The following CTSK variants were observed in gnomAD, a reference collection of about 807,000 sequenced individuals.
The protein encoded by CTSK is cathepsin K, also known as cathepsin O.
A neutral mutation model predicts 40.5 loss-of-function variants in CTSK; 26 were observed. That is an observed-to-expected ratio of 0.64 (90% confidence interval 0.47 to 0.89). The LOEUF (loss-of-function observed/expected upper bound fraction) is 0.89. Among genes scored for constraint, CTSK ranks in the 40% least tolerant of loss-of-function variants. The probability of loss-of-function intolerance (pLI) is 0.00; values close to 1 mark genes in which losing one functional copy is unlikely to be tolerated. For synonymous variants in CTSK, 132 were observed against 143.2 expected, an observed-to-expected ratio of 0.92 and a Z score of 0.56; for missense variants, 292 against 400.1, an observed-to-expected ratio of 0.73 and a Z score of 2.30.
intron 7 of CTSK, 52 bp downstream of exon 7, chr1:150,799,116 G>T: frequency 1.7e-6 from 2 of 1,184,690 alleles, no homozygotes; most frequent in Non-Finnish European, 2.5e-6. Flanking sequence ...TGGAGGTGAG[G>T]TTGAGTGTTA....
At chr1:150,799,927 T>C (rs1277851680) in intron 5 of CTSK, among the ~76,000 whole-genome samples, 3 of 152,140 alleles carry the variant, frequency 2.0e-5, no homozygotes, top group Non-Finnish European at 4.4e-5. Flanking sequence ...CCAGGTGCGG[T>C]GGCTCATGCC....
chr1:150,799,606 C>A lies in CTSK; in HGVS notation c.722G>T (p.Arg241Leu), dbSNP rs771997660. 3 of 1,614,192 alleles carry A rather than the reference C, an allele frequency of 1.9e-6. No individual in the cohort carries two copies. The highest frequency in any genetic ancestry group is 1.3e-5 in the African/African-American group (1 of 75,038). The change falls in exon 6 of 8, where the codon CGA becomes CTA. Residue 241 changes from arginine (R) to leucine (L), a missense_variant. By Grantham distance (102) the Arg-to-Leu change is moderately radical. Transcript: ENST00000271651. ...NEKALKRAVA[R>L]VGPVSVAIDA... ...AATGGCCACAGAGACAGGTCCCACT[C>A]GGGCCACTGCCCTCTTCAGGGCTTT...
intron 5 of CTSK, 25 bp downstream of exon 5, chr1:150,803,996 G>A (rs1654039697): frequency 1.9e-6 from 3 of 1,582,868 alleles, no homozygotes; most frequent in African/African-American, 1.3e-5. Flanking sequence ...CAACAGAGCT[G>A]TATAATTGTG....
chr1:150,807,955 CT>C (rs1417732039), intron 1 of CTSK, among the ~76,000 whole-genome samples: 5 of 152,184 alleles, frequency 3.3e-5, no homozygotes, highest in African/African-American at 1.2e-4. Context: ...AGAAAGGCCA[CT>C]CTTGAAGGAT....
At chr1:150,801,477 A>G (rs1653987179) in intron 5 of CTSK, among the ~76,000 whole-genome samples, 1 of 152,198 alleles carries the variant, frequency 6.6e-6, no homozygotes, top group Non-Finnish European at 1.5e-5. Context: ...TAAACGAATA[A>G]AACACATTAC....
At chr1:150,802,383 C>T (rs1654010762) in intron 5 of CTSK, among the ~76,000 whole-genome samples, 1 of 151,556 alleles carries the variant, frequency 6.6e-6, no homozygotes, top group Non-Finnish European at 1.5e-5. Flanking sequence ...TGAGACTAGC[C>T]TTGGCAACAT....
chr1:150,808,248 G>A lies in CTSK; in HGVS notation c.-36C>T, dbSNP rs201120307. On this transcript the variant is annotated 5_prime_UTR_variant, in exon 1 of 8. Coordinates refer to ENST00000271651, the MANE Select transcript of CTSK (RefSeq NM_000396.4). Reference sequence around the variant, plus strand: ...GAAATCTGTTGTCTGGCTTCGTTTCGGCAGCAAAGTGTGGGCACACCATCA... The same window carrying A: ...GAAATCTGTTGTCTGGCTTCGTTTCAGCAGCAAAGTGTGGGCACACCATCA... The A allele has an allele frequency of 3.0e-4, 46 of 152,636 alleles. No homozygotes were observed. The highest frequency in any genetic ancestry group is 1.1e-3 in the African/African-American group (44 of 41,554). The allele number at this position is 152,636 out of a possible 1,614,324, so 9.5% of individuals were successfully genotyped here. A position where few individuals can be genotyped will look rare whatever the true frequency, so the allele number is the denominator to read the frequency against.
intron 5 of CTSK, among the ~76,000 whole-genome samples, chr1:150,800,095 G>A (rs990437270): frequency 6.7e-6 from 1 of 149,056 alleles, no homozygotes; most frequent in Non-Finnish European, 1.5e-5. Flanking sequence ...TACTGGGGAG[G>A]CTGAGGCAGG....
rs766065317 is a variant in CTSK, at chr1:150,805,885, T to A, written c.375A>T (p.Gly125=). The A allele has an allele frequency of 6.2e-7, 1 of 1,614,098 alleles. No homozygotes were observed. Among genetic ancestry groups the A allele is most frequent in the South Asian group, 1.1e-5 (1 of 91,080 alleles). Residue 125 remains glycine, a synonymous_variant, in exon 4 of 8, where the codon GGA becomes GGT. Coordinates refer to ENST00000271651, the MANE Select transcript of CTSK (RefSeq NM_000396.4). Reference sequence around the variant, plus strand: ...CCTGATTTTTGACAGGAGTAACATATCCTTTCTTTCGATAGTCGACAGAGT... The same window carrying A: ...CCTGATTTTTGACAGGAGTAACATAACCTTTCTTTCGATAGTCGACAGAGT... ...APDSVDYRKK[G]YVTPVKNQGQ...
At chr1:150,799,863 C>T (rs1170467416) in intron 5 of CTSK, among the ~76,000 whole-genome samples, 154 bp from the exon 6 acceptor site, 2 of 152,156 alleles carry the variant, frequency 1.3e-5, no homozygotes, top group African/African-American at 2.4e-5. Context: ...CTCAGAAAAA[C>T]GAATATGAAA....
chr1:150,802,306 G>C (rs1257379926), intron 5 of CTSK, among the ~76,000 whole-genome samples: 1 of 151,628 alleles, frequency 6.6e-6, no homozygotes, highest in Non-Finnish European at 1.5e-5. Flanking sequence ...GGTAGGCCAG[G>C]CATGGTGGCT....
chr1:150,807,660 C>T (rs959994185), intron 1 of CTSK, among the ~76,000 whole-genome samples: 1 of 152,232 alleles, frequency 6.6e-6, no homozygotes, highest in African/African-American at 2.4e-5. Context: ...GTTAGCTTCA[C>T]TCATTTCTTG....
At chr1:150,805,725 CAG>C in intron 4 of CTSK, 134 bp downstream of exon 4, 1 of 701,614 alleles carries the variant, frequency 1.4e-6, no homozygotes, top group Non-Finnish European at 2.4e-6. Flanking sequence ...GGTTAAATAA[CAG>C]AATGGGAATG....
At chr1:150,798,720 C>T (rs989322336) in intron 7 of CTSK, among the ~76,000 whole-genome samples, 4 of 152,294 alleles carry the variant, frequency 2.6e-5, no homozygotes, top group South Asian at 2.1e-4. Context: ...TTGGTGCCAT[C>T]GCCTTGGTGA....
intron 4 of CTSK, among the ~76,000 whole-genome samples, chr1:150,805,260 C>T (rs1020392232): frequency 6.8e-6 from 1 of 147,854 alleles, no homozygotes; most frequent in Non-Finnish European, 1.5e-5. Flanking sequence ...TGTGACCTAA[C>T]AATTCCAATT....
In CTSK at chr1:150,796,661, A is replaced by G. The variant is rs587691660; in HGVS notation, c.*138T>C. 1.3e-6 allele frequency: 1 copy of G among 785,678 alleles called. No homozygotes were observed. The highest frequency in any genetic ancestry group is 2.4e-5 in the East Asian group (1 of 41,186). 48.7% of individuals were successfully genotyped at this position (785,678 alleles called of 1,614,324 possible). On this transcript the variant is annotated 3_prime_UTR_variant, in exon 8 of 8. Transcript: ENST00000271651. Reference sequence around the variant, plus strand: ...GAAGGATCATTTGAAGCACAAACAAATGGGGAAACTGAACAGACAATCTCA... The same window carrying G: ...GAAGGATCATTTGAAGCACAAACAAGTGGGGAAACTGAACAGACAATCTCA...
chr1:150,802,040 G>A (rs1294228503), intron 5 of CTSK, among the ~76,000 whole-genome samples: 1 of 151,712 alleles, frequency 6.6e-6, no homozygotes, highest in Non-Finnish European at 1.5e-5. Flanking sequence ...CACTTTGGGA[G>A]GCCGAGGCGG....
chr1:150,807,582 A>C (rs144626880), intron 1 of CTSK: 1 of 329,072 alleles, frequency 3.0e-6, no homozygotes, highest in Non-Finnish European at 6.0e-6. Context: ...GTTTGTTAGA[A>C]GAATGTTCAG....
chr1:150,799,839 A>G, intron 5 of CTSK, 130 bp from the exon 6 acceptor site: 1 of 904,870 alleles, frequency 1.1e-6, no homozygotes, highest in Non-Finnish European at 1.8e-6. Flanking sequence ...GTTTCTAGAG[A>G]GGGTCTGTTC....
Sources: allele counts gnomAD v4.1 joint callset (sites outside exome capture counted in the v4.1 genomes callset), GRCh38; gene constraint gnomAD v4.1.1; transcripts MANE v1.5; gene names NCBI Gene and HGNC (gene_info 2026-07-23, HGNC 2026-07-21).